NPSR1: variants seen among roughly 807,000 people sequenced by gnomAD.
NPSR1 encodes neuropeptide S receptor 1, also known as neuropeptide S receptor.
Under a neutral mutation model 46.9 loss-of-function variants are expected in NPSR1, and 48 were observed. The ratio of observed to expected loss-of-function variants is 1.02; its 90% CI spans 0.81 to 1.30. NPSR1 has a LOEUF of 1.30. Among genes scored for constraint, NPSR1 ranks in the 50% most tolerant of loss-of-function variants. The pLI is 0.00. For synonymous variants in NPSR1, 176 were observed against 168.1 expected (o/e 1.05, Z -0.36); for missense variants, 450 against 449.5 (o/e 1.00, Z -0.01).
chr7:34,689,550 A>G (rs1213154922), intron 2 of NPSR1, among the ~76,000 whole-genome samples: 2 of 127,854 alleles, frequency 1.6e-5, no homozygotes, highest in African/African-American at 5.8e-5. Flanking sequence ...GCTTGCAGTG[A>G]GCCGAGATTG....
chr7:34,874,703 G>A (rs1232944317), intron 8 of NPSR1, among the ~76,000 whole-genome samples: 3 of 152,168 alleles, frequency 2.0e-5, no homozygotes, highest in Admixed American at 6.5e-5. Flanking sequence ...GAGGGAGGAA[G>A]GGAGTAGGGA....
intron 1 of NPSR1, among the ~76,000 whole-genome samples, chr7:34,681,444 C>A (rs1260761642): frequency 6.6e-6 from 1 of 152,196 alleles, no homozygotes; most frequent in Non-Finnish European, 1.5e-5. Flanking sequence ...GTTGCAACAT[C>A]AGGCAACTAC....
chr7:34,730,774 T>C (rs1463558764), intron 2 of NPSR1, among the ~76,000 whole-genome samples: 1 of 152,156 alleles, frequency 6.6e-6, no homozygotes, highest in East Asian at 1.9e-4. Context: ...ATCTATTTGG[T>C]TGTGTGTCTG....
chr7:34,689,760 T>C lies in NPSR1; in HGVS notation c.280+5076T>C, dbSNP rs527836540. Among the ~76,000 whole-genome samples the C allele has an allele frequency of 2.7e-5, 4 of 150,628 alleles. No individual in the cohort carries two copies. In the East Asian group the frequency reaches 7.9e-4, roughly 30 times the overall value. On this transcript the variant is annotated intron_variant, in intron 2 of 8. Transcript: ENST00000360581. ...GAATTCGTAACCAACCTGGGCAACA[T>C]AGTGAGACCCCCATCTCTGCAAAAA...
At chr7:34,747,130 A>C (rs947203619) in intron 2 of NPSR1, among the ~76,000 whole-genome samples, 1 of 46,928 alleles carries the variant, frequency 2.1e-5, no homozygotes, top group South Asian at 1.2e-3. Flanking sequence ...CCAAAAAAAC[A>C]AAAAAAAAAA....
At chr7:34,850,025 T>C, downstream of NPSR1, 3 of 988,084 alleles carry the variant, frequency 3.0e-6, no homozygotes, top group Non-Finnish European at 3.6e-6. Flanking sequence ...ATGAATATTC[T>C]CATTACAATA....
At chr7:34,857,105 T>A (rs911364999) in intron 8 of NPSR1, among the ~76,000 whole-genome samples, 4 of 151,820 alleles carry the variant, frequency 2.6e-5, no homozygotes, top group African/African-American at 9.7e-5. Flanking sequence ...GGAGAAATTA[T>A]AATACTATTG....
intron 2 of NPSR1, among the ~76,000 whole-genome samples, chr7:34,695,086 C>G (rs1793452959): frequency 6.6e-6 from 1 of 152,104 alleles, no homozygotes; most frequent in South Asian, 2.1e-4. Flanking sequence ...GCTGTAGTAA[C>G]TAAAACAGCA....
At chr7:34,695,684 C>T (rs1793483286) in intron 2 of NPSR1, among the ~76,000 whole-genome samples, 1 of 151,794 alleles carries the variant, frequency 6.6e-6, no homozygotes, top group African/African-American at 2.4e-5. Flanking sequence ...TACTAGCAGC[C>T]AACAAACACA....
At chr7:34,685,708 C>T in intron 2 of NPSR1, 3 of 427,612 alleles carry the variant, frequency 7.0e-6, no homozygotes, top group South Asian at 3.3e-5. Flanking sequence ...CTTAGCCATA[C>T]ATTGTTAGTA....
intron 7 of NPSR1, among the ~76,000 whole-genome samples, chr7:34,847,201 C>T (rs1163146162): frequency 6.6e-6 from 1 of 152,148 alleles, no homozygotes; most frequent in Non-Finnish European, 1.5e-5. Context: ...ATCCACATTA[C>T]ACAGTTATGA....
chr7:34,807,043 T>C (rs554970666), intron 3 of NPSR1, among the ~76,000 whole-genome samples: 2 of 152,276 alleles, frequency 1.3e-5, no homozygotes, highest in East Asian at 1.9e-4. Flanking sequence ...TGGTATCCCA[T>C]ATGTTGTTGA....
At chr7:34,866,051 C>T (rs1791307986) in intron 8 of NPSR1, among the ~76,000 whole-genome samples, 1 of 151,772 alleles carries the variant, frequency 6.6e-6, no homozygotes. Flanking sequence ...AAAACTAATG[C>T]TGGGATGAAT....
At chr7:34,673,115 C>A (rs1792139394) in intron 1 of NPSR1, among the ~76,000 whole-genome samples, 1 of 152,158 alleles carries the variant, frequency 6.6e-6, no homozygotes, top group Admixed American at 6.5e-5. Context: ...TCTCTCTAGG[C>A]TATACCTGCT....
rs191165005 is a variant in NPSR1, at chr7:34,772,713, C to T, written c.281-5749C>T. On this transcript the variant is annotated intron_variant, in intron 2 of 8. Coordinates refer to ENST00000360581, the MANE Select transcript of NPSR1 (RefSeq NM_207172.2). The stretch of plus-strand genomic sequence containing the variant: ...TAGAGCATAAATAATCTGAACAACC[C>T]TGTGTTGGGGGCCTGCTGAAGATGC... Among the ~76,000 whole-genome samples, 33 of 152,274 alleles carry T rather than the reference C, an allele frequency of 2.2e-4. No homozygotes were observed. The East Asian group carries it at 6.0e-3, about 28-fold the overall frequency.
intron 4 of NPSR1, among the ~76,000 whole-genome samples, chr7:34,818,401 G>A (rs950452676): frequency 4.6e-5 from 7 of 152,128 alleles, no homozygotes; most frequent in Admixed American, 4.6e-4. Flanking sequence ...ACAAACCACT[G>A]CGCAAGGAAA....
At chr7:34,753,193 C>T (rs1785634681) in intron 2 of NPSR1, among the ~76,000 whole-genome samples, 1 of 151,932 alleles carries the variant, frequency 6.6e-6, no homozygotes, top group Non-Finnish European at 1.5e-5. Flanking sequence ...TTGTATTGGG[C>T]CTTAGAGGAT....
rs1792950844 is a variant in NPSR1 at position 34,686,805 on chromosome 7, A to G, written c.280+2121A>G. 2.0e-5 allele frequency among the ~76,000 whole-genome samples: 3 copies of G among 152,046 alleles called. No homozygotes were observed. The South Asian group carries it at 6.2e-4, about 32-fold the overall frequency. ...TTCTTTGTTTAAAGGACTTTTCTGAATATTTCAGGTAATATAATGATATTG... is the reference window on the plus strand; with the variant it reads ...TTCTTTGTTTAAAGGACTTTTCTGAGTATTTCAGGTAATATAATGATATTG... On this transcript the variant is annotated intron_variant, in intron 2 of 8. Transcript: ENST00000360581.
intron 8 of NPSR1, among the ~76,000 whole-genome samples, chr7:34,877,751 GGAGGCTTTGAGTCAGGT>G (rs1329201949): frequency 2.0e-5 from 3 of 152,166 alleles, no homozygotes; most frequent in African/African-American, 7.2e-5. Flanking sequence ...AAGCCTCCAG[GGAGGCTTTGAGTCAGGT>G]GCTCAAAGAT....
Sources: allele counts gnomAD v4.1 joint callset (sites outside exome capture counted in the v4.1 genomes callset), GRCh38; gene constraint gnomAD v4.1.1; transcripts MANE v1.5; gene names NCBI Gene and HGNC (gene_info 2026-07-23, HGNC 2026-07-21).